The following RBMS3 variants were observed in gnomAD, a reference collection of about 807,000 sequenced individuals.
The protein encoded by RBMS3 is RNA binding motif single stranded interacting protein 3.
RBMS3 carries 27 observed loss-of-function variants against 66.8 expected under a neutral mutation model. The observed-to-expected ratio is 0.40, with a 90% CI of 0.30 to 0.56. RBMS3 has a LOEUF of 0.56. Ranked by LOEUF, RBMS3 falls within the 20% of genes least tolerant of loss-of-function variation. The probability of loss-of-function intolerance (pLI) is 0.40; values close to 1 mark genes in which losing one functional copy is unlikely to be tolerated. For synonymous variants in RBMS3, 188 were observed against 183.0 expected, an observed-to-expected ratio of 1.03 and a Z score of -0.22; for missense variants, 513 against 549.5, an observed-to-expected ratio of 0.93 and a Z score of 0.66.
At chr3:29,829,580 G>A (rs996058727) in intron 6 of RBMS3, among the ~76,000 whole-genome samples, 6 of 152,140 alleles carry the variant, frequency 3.9e-5, no homozygotes, top group Admixed American at 1.3e-4. Flanking sequence ...AATAGCTGAA[G>A]CAGAATGGGG....
chr3:29,592,115 T>G (rs1034935534), intron 4 of RBMS3, among the ~76,000 whole-genome samples: 1 of 110,416 alleles, frequency 9.1e-6, no homozygotes, highest in African/African-American at 3.7e-5. Context: ...AACCAGTGGA[T>G]TTTTTACTTG....
chr3:29,808,897 T>G (rs1191520794), intron 6 of RBMS3, among the ~76,000 whole-genome samples: 1 of 151,942 alleles, frequency 6.6e-6, no homozygotes, highest in Non-Finnish European at 1.5e-5. Flanking sequence ...TAGACTTACT[T>G]TAAAAGATAT....
intron 1 of RBMS3, among the ~76,000 whole-genome samples, chr3:29,349,918 G>A (rs996187465): frequency 6.6e-6 from 1 of 152,120 alleles, no homozygotes; most frequent in Non-Finnish European, 1.5e-5. Flanking sequence ...CCAGCATTTT[G>A]GGAGGCCAAG....
chr3:29,990,977 G>A (rs1214004459), intron 13 of RBMS3, 105 bp from the exon 14 acceptor site: 1 of 1,035,284 alleles, frequency 9.7e-7, no homozygotes, highest in South Asian at 1.5e-5. Flanking sequence ...TGTAGCTGAG[G>A]GTATCTCTAC....
intron 6 of RBMS3, among the ~76,000 whole-genome samples, chr3:29,789,829 G>A (rs940997986): frequency 2.6e-5 from 4 of 152,234 alleles, no homozygotes; most frequent in Non-Finnish European, 5.9e-5. Flanking sequence ...TTTTCTGGAG[G>A]AAACTTTCAA....
intron 3 of RBMS3, among the ~76,000 whole-genome samples, chr3:29,512,314 C>T (rs1160019900): frequency 6.6e-6 from 1 of 151,964 alleles, no homozygotes; most frequent in Non-Finnish European, 1.5e-5. Flanking sequence ...GTTTTAAAAA[C>T]AGTAATTTAT....
intron 12 of RBMS3, among the ~76,000 whole-genome samples, chr3:29,965,383 A>C (rs1055323675): frequency 1.3e-5 from 2 of 152,000 alleles, no homozygotes; most frequent in African/African-American, 2.4e-5. Context: ...CCATACCAAC[A>C]GCTACTGGTT....
At chr3:29,525,436 C>T (rs904503101) in intron 3 of RBMS3, among the ~76,000 whole-genome samples, 6 of 152,146 alleles carry the variant, frequency 3.9e-5, no homozygotes, top group Non-Finnish European at 7.4e-5. Flanking sequence ...TCCTGTTGAC[C>T]GAGTGACATC....
intron 3 of RBMS3, among the ~76,000 whole-genome samples, chr3:29,502,495 T>C (rs956712971): frequency 6.6e-6 from 1 of 152,108 alleles, no homozygotes; most frequent in African/African-American, 2.4e-5. Context: ...GACAATTTGA[T>C]AGAAACATGT....
chr3:29,340,042 C>G (rs149594038), intron 1 of RBMS3, among the ~76,000 whole-genome samples: 5 of 152,216 alleles, frequency 3.3e-5, no homozygotes, highest in Non-Finnish European at 5.9e-5. Flanking sequence ...TTGCTGAGGA[C>G]AGGTCTCTAC....
intron 13 of RBMS3, among the ~76,000 whole-genome samples, chr3:29,990,754 G>A (rs1196087450): frequency 6.6e-6 from 1 of 152,166 alleles, no homozygotes; most frequent in Non-Finnish European, 1.5e-5. Flanking sequence ...AGTTTGTATA[G>A]GAATCCTGAA....
intron 12 of RBMS3, among the ~76,000 whole-genome samples, chr3:29,973,476 ACCAGTT>A (rs780173739): frequency 1.3e-5 from 2 of 151,964 alleles, no homozygotes; most frequent in Non-Finnish European, 2.9e-5. Context: ...TAGTAACTCA[ACCAGTT>A]TTTTCTGGGT....
intron 4 of RBMS3, among the ~76,000 whole-genome samples, chr3:29,684,940 T>C (rs1195485095): frequency 6.6e-6 from 1 of 152,152 alleles, no homozygotes. Context: ...CATGTTTTAT[T>C]GTTTCTTTTT....
intron 1 of RBMS3, among the ~76,000 whole-genome samples, chr3:29,358,575 C>A (rs985852677): frequency 1.3e-4 from 20 of 152,082 alleles, no homozygotes; most frequent in Admixed American, 2.6e-4. Context: ...TTTTCCAATT[C>A]TGTGAAGAAA....
intron 4 of RBMS3, among the ~76,000 whole-genome samples, chr3:29,730,366 A>G (rs1268458643): frequency 6.6e-6 from 1 of 152,068 alleles, no homozygotes; most frequent in African/African-American, 2.4e-5. Context: ...GTGGAACTCA[A>G]TGCCCCTAAT....
intron 6 of RBMS3, among the ~76,000 whole-genome samples, chr3:29,765,297 CT>C (rs1284076376): frequency 3.3e-5 from 5 of 151,898 alleles, no homozygotes; most frequent in Non-Finnish European, 7.4e-5. Flanking sequence ...TAGCTGAAAT[CT>C]TACTTTCAGA....
intron 2 of RBMS3, among the ~76,000 whole-genome samples, chr3:29,440,452 T>C (rs1012276644): frequency 1.3e-5 from 2 of 152,156 alleles, no homozygotes; most frequent in African/African-American, 4.8e-5. Context: ...AGAGGGAAAC[T>C]CTTGGGTAGG....
At chr3:29,708,016 C>G (rs555266788) in intron 4 of RBMS3, among the ~76,000 whole-genome samples, 3 of 152,132 alleles carry the variant, frequency 2.0e-5, no homozygotes, top group African/African-American at 7.2e-5. Flanking sequence ...GGTTACTGGT[C>G]GTAGGCCTGC....
intron 4 of RBMS3, among the ~76,000 whole-genome samples, chr3:29,696,550 G>A (rs946866443): frequency 6.6e-6 from 1 of 152,160 alleles, no homozygotes; most frequent in African/African-American, 2.4e-5. Flanking sequence ...TGTTACATCA[G>A]CCACCCTGTC....
Sources: allele counts gnomAD v4.1 joint callset (sites outside exome capture counted in the v4.1 genomes callset), GRCh38; gene constraint gnomAD v4.1.1; transcripts MANE v1.5; gene names NCBI Gene and HGNC (gene_info 2026-07-23, HGNC 2026-07-21).